ARAP2: variants seen among roughly 807,000 people sequenced by gnomAD.
ARAP2 encodes the protein ArfGAP with RhoGAP domain, ankyrin repeat and PH domain 2.
A neutral mutation model predicts 194.5 loss-of-function variants in ARAP2; 148 were observed. The observed-to-expected ratio is 0.76, with a 90% CI of 0.67 to 0.87. ARAP2 has a LOEUF of 0.87. Ranked by LOEUF, ARAP2 falls within the 40% of genes least tolerant of loss-of-function variation. ARAP2 has a pLI of 0.00. For missense variants in ARAP2, 2,128 were observed against 1,989.7 expected (o/e 1.07, Z -1.32); for synonymous variants, 695 against 683.5 (o/e 1.02, Z -0.26).
chr4:36,148,612 T>C, intron 16 of ARAP2, 105 bp from the exon 17 acceptor site: 1 of 811,710 alleles, frequency 1.2e-6, no homozygotes, highest in Non-Finnish European at 1.9e-6. Context: ...TAAAATAAAC[T>C]AATGTTATGA....
intron 1 of ARAP2, among the ~76,000 whole-genome samples, chr4:36,230,159 T>G (rs972902922): frequency 6.6e-6 from 1 of 152,226 alleles, no homozygotes; most frequent in Non-Finnish European, 1.5e-5. Context: ...TCAGTGTCTA[T>G]GTGCTACTCA....
At chr4:36,014,861 C>G (rs1715498576) in intron 8 of ARAP2, among the ~76,000 whole-genome samples, 1 of 152,136 alleles carries the variant, frequency 6.6e-6, no homozygotes, top group Non-Finnish European at 1.5e-5. Context: ...AGACTCATCT[C>G]TCTCCCTGTG....
intron 31 of ARAP2, among the ~76,000 whole-genome samples, chr4:36,075,467 C>T (rs1437447681): frequency 1.3e-5 from 2 of 152,088 alleles, no homozygotes; most frequent in Admixed American, 6.6e-5. Context: ...CCAAAGACCA[C>T]ACCTAAACAT....
intron 19 of ARAP2, among the ~76,000 whole-genome samples, chr4:36,144,691 C>T (rs1729197616): frequency 6.6e-6 from 1 of 151,818 alleles, no homozygotes; most frequent in South Asian, 2.1e-4. Flanking sequence ...AAGTCATTAT[C>T]CTTGTCACAG....
chr4:36,100,105 T>G (rs1033628954), intron 27 of ARAP2, among the ~76,000 whole-genome samples: 1 of 152,068 alleles, frequency 6.6e-6, no homozygotes, highest in African/African-American at 2.4e-5. Flanking sequence ...TTTCTCCACT[T>G]ATCAGCAGGT....
At chr4:36,098,879 CTCTTT>C (rs1716060369) in intron 27 of ARAP2, among the ~76,000 whole-genome samples, 1 of 151,914 alleles carries the variant, frequency 6.6e-6, no homozygotes, top group Non-Finnish European at 1.5e-5. Context: ...CATAATTTAA[CTCTTT>C]TTTTTATTTA....
chr4:36,058,595 TTTTTA>T (rs1363546642), intron 1 of ARAP2, among the ~76,000 whole-genome samples: 3 of 152,218 alleles, frequency 2.0e-5, no homozygotes, highest in South Asian at 2.1e-4. Context: ...TTGTTTTTAT[TTTTTA>T]TTTTGTTTCC....
At chr4:36,056,275 C>T (rs1336839711) in intron 2 of ARAP2, among the ~76,000 whole-genome samples, 5 of 152,194 alleles carry the variant, frequency 3.3e-5, no homozygotes, top group African/African-American at 1.2e-4. Context: ...AGGCACTTCC[C>T]TTGTCTGGAG....
chr4:36,112,407 G>A (rs986354722), intron 26 of ARAP2, among the ~76,000 whole-genome samples: 1 of 151,900 alleles, frequency 6.6e-6, no homozygotes, highest in African/African-American at 2.4e-5. Flanking sequence ...CTTAGACTGT[G>A]AAGGATAAAT....
intron 5 of ARAP2, among the ~76,000 whole-genome samples, chr4:36,039,513 GC>G (rs1214721882): frequency 6.6e-6 from 1 of 152,020 alleles, no homozygotes; most frequent in Non-Finnish European, 1.5e-5. Context: ...TTCTGCTTGT[GC>G]CCCCTGGTAG....
chr4:36,040,521 AG>A (rs773071522), intron 5 of ARAP2, among the ~76,000 whole-genome samples: 2,722 of 152,158 alleles, frequency 0.018, 59 homozygotes, highest in Non-Finnish European at 0.028. Flanking sequence ...GATTTCTTTG[AG>A]CAGTACTTTG....
At chr4:36,055,089 G>T (rs2109259949) in intron 2 of ARAP2, among the ~76,000 whole-genome samples, 1 of 152,310 alleles carries the variant, frequency 6.6e-6, no homozygotes, top group East Asian at 1.9e-4. Flanking sequence ...TGATATAAAT[G>T]ATTTAAACAG....
At chr4:36,030,476 G>T (rs554587028) in intron 5 of ARAP2, among the ~76,000 whole-genome samples, 6 of 152,006 alleles carry the variant, frequency 3.9e-5, no homozygotes, top group Admixed American at 2.0e-4. Context: ...TTTTCCTGGA[G>T]AATATTTTTA....
intron 6 of ARAP2, among the ~76,000 whole-genome samples, chr4:36,199,064 A>G (rs1375135060): frequency 1.3e-5 from 2 of 152,034 alleles, no homozygotes; most frequent in Admixed American, 6.5e-5. Flanking sequence ...CACCTTACCA[A>G]CTCGGAAGGG....
chr4:36,214,137 T>C (rs1252057553), intron 3 of ARAP2, among the ~76,000 whole-genome samples: 1 of 152,178 alleles, frequency 6.6e-6, no homozygotes, highest in Non-Finnish European at 1.5e-5. Context: ...CCAGAAACCA[T>C]TTAATTTAGT....
chr4:36,207,484 C>G (rs1229309381), intron 6 of ARAP2, among the ~76,000 whole-genome samples: 1 of 152,090 alleles, frequency 6.6e-6, no homozygotes, highest in Non-Finnish European at 1.5e-5. Context: ...TTCAGTATTT[C>G]TTTTGTTGTA....
At chr4:36,107,440 T>C (rs970824478) in intron 27 of ARAP2, 125 bp downstream of exon 27, 5 of 954,980 alleles carry the variant, frequency 5.2e-6, no homozygotes, top group African/African-American at 5.1e-5. Context: ...ATATGTACTA[T>C]CTCAGTTCAT....
intron 9 of ARAP2, among the ~76,000 whole-genome samples, chr4:36,011,405 T>A (rs1233216124): frequency 6.6e-6 from 1 of 152,164 alleles, no homozygotes; most frequent in South Asian, 2.1e-4. Flanking sequence ...AAAAATAAAA[T>A]TGCATGTAGA....
At chr4:36,075,843 C>T (rs1322950722) in intron 31 of ARAP2, among the ~76,000 whole-genome samples, 1 of 152,168 alleles carries the variant, frequency 6.6e-6, no homozygotes, top group Non-Finnish European at 1.5e-5. Context: ...ACATCCATCA[C>T]ACTTTAAATT....
Sources: allele counts gnomAD v4.1 joint callset (sites outside exome capture counted in the v4.1 genomes callset), GRCh38; gene constraint gnomAD v4.1.1; transcripts MANE v1.5; gene names NCBI Gene and HGNC (gene_info 2026-07-23, HGNC 2026-07-21).